Variants in SIK3 observed in about 807,000 individuals in gnomAD.
The protein encoded by SIK3 is SIK family kinase 3, also known as serine/threonine-protein kinase SIK3.
In SIK3, 28 loss-of-function variants were observed where a neutral mutation model predicts 144.2. That is an observed-to-expected ratio of 0.19 (90% CI 0.14 to 0.27). The LOEUF is 0.27. Ranked by LOEUF, SIK3 falls within the 10% of genes least tolerant of loss-of-function variation. The probability of loss-of-function intolerance (pLI) is 1.00; values close to 1 mark genes in which losing one functional copy is unlikely to be tolerated. For synonymous variants in SIK3, 686 were observed against 676.3 expected, an observed-to-expected ratio of 1.01 and a Z score of -0.22; for missense variants, 1,319 against 1,776.0, an observed-to-expected ratio of 0.74 and a Z score of 4.62.
intron 21 of SIK3, chr11:116,855,770 TG>T (rs1362318554): frequency 6.6e-6 from 1 of 152,226 alleles, no homozygotes; most frequent in South Asian, 2.1e-4. Flanking sequence ...CTCTTGACTT[TG>T]GGGACAAGTT....
intron 1 of SIK3, among the ~76,000 whole-genome samples, chr11:117,057,773 C>T (rs935113144): frequency 6.6e-6 from 1 of 152,192 alleles, no homozygotes; most frequent in African/African-American, 2.4e-5. Context: ...ACATTCCTCA[C>T]TTCAGTTTCC....
At chr11:116,985,069 G>A (rs1464371329) in intron 1 of SIK3, among the ~76,000 whole-genome samples, 1 of 152,182 alleles carries the variant, frequency 6.6e-6, no homozygotes, top group East Asian at 1.9e-4. Flanking sequence ...TACCAAGCTA[G>A]TGGTATTCAT....
At chr11:117,041,347 C>A (rs1952734397) in intron 1 of SIK3, among the ~76,000 whole-genome samples, 1 of 152,078 alleles carries the variant, frequency 6.6e-6, no homozygotes, top group Non-Finnish European at 1.5e-5. Context: ...TTGAGAAAGG[C>A]TACATGCCCC....
chr11:116,960,110 G>A (rs2135414756), intron 1 of SIK3, among the ~76,000 whole-genome samples: 1 of 152,138 alleles, frequency 6.6e-6, no homozygotes, highest in Admixed American at 6.5e-5. Flanking sequence ...CATCTTTTCA[G>A]GAAAAATTGC....
At chr11:116,890,619 A>G (rs1010407307) in intron 6 of SIK3, among the ~76,000 whole-genome samples, 5 of 152,260 alleles carry the variant, frequency 3.3e-5, no homozygotes, top group African/African-American at 1.2e-4. Flanking sequence ...GTTACAATAT[A>G]AAGCTTGGTA....
chr11:117,075,546 CTTTTTTTTTTTTTTTG>C (rs1954475674), intron 1 of SIK3, among the ~76,000 whole-genome samples: 1 of 134,132 alleles, frequency 7.5e-6, no homozygotes, highest in Non-Finnish European at 1.6e-5. Flanking sequence ...ATTTTTTTTT[CTTTTTTTTTTTTTTTG>C]AGGAATCTCA....
chr11:117,071,963 G>T (rs145566516), intron 1 of SIK3, among the ~76,000 whole-genome samples: 184 of 151,448 alleles, frequency 1.2e-3, no homozygotes, highest in Non-Finnish European at 2.1e-3. Flanking sequence ...ATTAAATGTG[G>T]CAATATAATG....
chr11:116,956,335 CA>C (rs67306337), intron 2 of SIK3, among the ~76,000 whole-genome samples: 18,379 of 128,168 alleles, frequency 0.14, 1,096 homozygotes, highest in Middle Eastern at 0.17. Flanking sequence ...TTGGGAAGAC[CA>C]AAAAAAAAAA....
chr11:116,981,770 T>C (rs1047837611), intron 1 of SIK3, among the ~76,000 whole-genome samples: 1 of 152,174 alleles, frequency 6.6e-6, no homozygotes, highest in African/African-American at 2.4e-5. Flanking sequence ...CCCAGCACTT[T>C]GGGAGGCCGG....
intron 1 of SIK3, among the ~76,000 whole-genome samples, chr11:117,034,467 T>C (rs1042865030): frequency 9.2e-5 from 14 of 152,140 alleles, no homozygotes; most frequent in African/African-American, 1.9e-4. Flanking sequence ...CGATGCACAA[T>C]TGAAGGGAGA....
intron 1 of SIK3, among the ~76,000 whole-genome samples, chr11:116,990,575 C>T (rs1219938971): frequency 6.6e-6 from 1 of 152,062 alleles, no homozygotes; most frequent in Admixed American, 6.5e-5. Flanking sequence ...ATTAATAGGC[C>T]ACTACTCACT....
chr11:116,917,081 A>T (rs1038554601), intron 4 of SIK3, among the ~76,000 whole-genome samples: 2 of 152,068 alleles, frequency 1.3e-5, no homozygotes, highest in Non-Finnish European at 2.9e-5. Context: ...CAGCCTCTTG[A>T]GTAGCTGGGA....
In SIK3 at chr11:116,845,452, C is replaced by T. The variant is rs1191749444; in HGVS notation, c.*191G>A. 2 of 152,142 alleles carry T rather than the reference C, an allele frequency of 1.3e-5. No individual in the cohort carries two copies. The highest frequency in any genetic ancestry group is 2.9e-5 in the Non-Finnish European group (2 of 68,028). The allele number at this position is 152,142 out of a possible 1,614,324, so 9.4% of individuals were successfully genotyped here. ...TTATTTCCTTGGTGACTTGGTCATA[C>T]AAGCAAACATGGCAAAACCCTCTCA... On this transcript the variant is annotated 3_prime_UTR_variant, in exon 25 of 25. Coordinates refer to ENST00000445177, the MANE Select transcript of SIK3 (RefSeq NM_001366686.3).
chr11:117,094,713 C>T (rs998827058), intron 1 of SIK3, among the ~76,000 whole-genome samples: 2 of 151,586 alleles, frequency 1.3e-5, no homozygotes, highest in South Asian at 2.1e-4. Flanking sequence ...AGACTACCTG[C>T]AATTTGAGAG....
chr11:117,034,061 G>C (rs190408339), intron 1 of SIK3, among the ~76,000 whole-genome samples: 10 of 151,898 alleles, frequency 6.6e-5, no homozygotes, highest in Admixed American at 5.2e-4. Flanking sequence ...TCATTCTGGG[G>C]GAGAAAAAAA....
chr11:117,091,135 T>C (rs1196437719), intron 1 of SIK3, among the ~76,000 whole-genome samples: 1 of 150,930 alleles, frequency 6.6e-6, no homozygotes, highest in Non-Finnish European at 1.5e-5. Flanking sequence ...AGATGAGCCA[T>C]GAATCTAATG....
At chr11:116,970,078 C>G (rs965763821) in intron 1 of SIK3, among the ~76,000 whole-genome samples, 1 of 152,170 alleles carries the variant, frequency 6.6e-6, no homozygotes, top group African/African-American at 2.4e-5. Flanking sequence ...GAGCTTCAGA[C>G]CAGCCTAGGC....
chr11:117,033,607 G>A (rs1362224260), intron 1 of SIK3, among the ~76,000 whole-genome samples: 1 of 151,616 alleles, frequency 6.6e-6, no homozygotes, highest in African/African-American at 2.4e-5. Context: ...TACTCAGGAG[G>A]CTGAGGCAGG....
At chr11:117,073,181 A>G (rs1954354838) in intron 1 of SIK3, among the ~76,000 whole-genome samples, 1 of 152,232 alleles carries the variant, frequency 6.6e-6, no homozygotes, top group Non-Finnish European at 1.5e-5. Flanking sequence ...TTAAGGCTCT[A>G]CATATGCACA....
Sources: allele counts gnomAD v4.1 joint callset (sites outside exome capture counted in the v4.1 genomes callset), GRCh38; gene constraint gnomAD v4.1.1; transcripts MANE v1.5; gene names NCBI Gene and HGNC (gene_info 2026-07-23, HGNC 2026-07-21).